Variants in ACIN1 observed in about 807,000 individuals in gnomAD.
ACIN1 encodes apoptotic chromatin condensation inducer in the nucleus.
In ACIN1, 16 loss-of-function variants were observed where a neutral mutation model predicts 146.6. That is an observed-to-expected ratio of 0.11 (90% CI 0.07 to 0.17). The LOEUF (loss-of-function observed/expected upper bound fraction) is 0.17. ACIN1 is among the 10% of genes least tolerant of loss of function. ACIN1 has a pLI of 1.00. For synonymous variants in ACIN1, 569 were observed against 582.7 expected (o/e 0.98, Z 0.34); for missense variants, 1,357 against 1,609.3 (o/e 0.84, Z 2.68).
rs762012169 is a variant in ACIN1, at chr14:23,080,389, T to C, written c.946A>G (p.Ile316Val). 1 of 1,614,162 alleles carries C rather than the reference T, an allele frequency of 6.2e-7. No homozygotes were observed. The highest frequency in any genetic ancestry group is 1.1e-5 in the South Asian group (1 of 91,084). Residue 316 changes from isoleucine (I) to valine (V), a missense_variant, in exon 6 of 19, where the codon ATA becomes GTA. By Grantham distance (29) the Ile-to-Val change is conservative. This residue lies in a region of ACIN1 where 771 missense variants were observed against 746.6 expected (regional missense o/e 1.03). Coordinates refer to ENST00000605057, the MANE Select transcript of ACIN1 (RefSeq NM_001386863.1). ...TCCTTTAAGCCTTGTGAAGATTTTA[T>C]TTCTCTTTCTTCCTCCTCAAGGGGA... The part of the protein sequence containing the change: ...TSPLEEEERE[I>V]KSSQGLKEKS...
chr14:23,094,858 G>A, intron 1 of ACIN1, 117 bp downstream of exon 1: 1 of 1,382,692 alleles, frequency 7.2e-7, no homozygotes, highest in African/African-American at 1.5e-5. Context: ...CCAGAGGCTC[G>A]CGCTGGCGGC....
chr14:23,069,358 C>G, intron 9 of ACIN1, 118 bp downstream of exon 9: 1 of 1,476,772 alleles, frequency 6.8e-7, no homozygotes, highest in Non-Finnish European at 8.9e-7. Flanking sequence ...GATCCAAGTC[C>G]CTGCCTCATC....
At chr14:23,059,956 G>GTTTTTTTTTTTTTT (rs397830741) in intron 18 of ACIN1, among the ~76,000 whole-genome samples, 5 of 100,136 alleles carry the variant, frequency 5.0e-5, no homozygotes, top group African/African-American at 1.7e-4. Context: ...CGCCCCGCCA[G>GTTTTTTTTTTTTTT]TTTTTTTTTT....
chr14:23,062,549 G>T, intron 14 of ACIN1, 26 bp from the exon 15 acceptor site: 1 of 1,602,232 alleles, frequency 6.2e-7, no homozygotes, highest in Non-Finnish European at 8.6e-7. Flanking sequence ...GACTTTCAGG[G>T]TCTAGCAGAA....
chr14:23,063,263 A>T, intron 13 of ACIN1, 173 bp downstream of exon 13: 1 of 1,114,816 alleles, frequency 9.0e-7, no homozygotes, highest in Non-Finnish European at 1.3e-6. Flanking sequence ...TTCAAAGATT[A>T]AACAGAGTCA....
Position 23,078,989 on chromosome 14 carries a change from G to A in ACIN1, c.1838C>T (p.Thr613Ile). 6.2e-7 allele frequency: 1 copy of A among 1,614,192 alleles called. No homozygotes were observed. The highest frequency in any genetic ancestry group is 1.1e-5 in the South Asian group (1 of 91,076). ...SRDSSTSYTE[T>I]KDPSSGQEVA... ...CTCCTGACCAGAAGAGGGATCTTTG[G>A]TTTCAGTATAGCTGGTGCTGCTGTC... The change falls in exon 7 of 19, where the codon ACC becomes ATC. Residue 613 changes from threonine to isoleucine, a missense_variant. Around this residue, in one of 4 missense-constraint regions of ACIN1, gnomAD observed 771 missense variants for 746.6 expected, o/e 1.03. Transcript: ENST00000605057.
rs2047500110 is a variant in ACIN1, at chr14:23,067,604, G to A, written c.2266-1596C>T. 19 of 985,974 alleles carry A rather than the reference G, an allele frequency of 1.9e-5. No homozygotes were observed. Among genetic ancestry groups the A allele is most frequent in the Non-Finnish European group, 2.2e-5 (18 of 830,030 alleles). 61.1% of individuals were successfully genotyped at this position (985,974 alleles called of 1,614,324 possible). A position where few individuals can be genotyped will look rare whatever the true frequency, so the allele number is the denominator to read the frequency against. ...AGCGAGGGATAGAGGGGGGAAAGGG[G>A]CAGAGACATCAGTCCTGGCCCTGAA... On this transcript the variant is annotated intron_variant, in intron 9 of 18. Transcript: ENST00000605057. This position sits in a 1 kb window ranked among gnomAD's most constrained non-coding sequence, Gnocchi z 4.6.
intron 4 of ACIN1, among the ~76,000 whole-genome samples, chr14:23,083,759 T>C (rs2048012825): frequency 6.6e-6 from 1 of 152,046 alleles, no homozygotes; most frequent in Non-Finnish European, 1.5e-5. Flanking sequence ...CTATGTACAG[T>C]AGCAATACTA....
At chr14:23,073,609 G>T (rs1409302004) in intron 8 of ACIN1, among the ~76,000 whole-genome samples, 1 of 152,066 alleles carries the variant, frequency 6.6e-6, no homozygotes, top group African/African-American at 2.4e-5. Flanking sequence ...GGTGAGCCGA[G>T]ATCGTGCCAT....
intron 4 of ACIN1, among the ~76,000 whole-genome samples, chr14:23,085,740 A>C (rs535656590): frequency 6.6e-6 from 1 of 152,228 alleles, no homozygotes; most frequent in African/African-American, 2.4e-5. Context: ...GAAAAAGGTG[A>C]TATCTTCTAT....
At chr14:23,079,195 G>A (rs2047879018) in intron 6 of ACIN1, among the ~76,000 whole-genome samples, 157 bp from the exon 7 acceptor site, 2 of 152,036 alleles carry the variant, frequency 1.3e-5, no homozygotes, top group Non-Finnish European at 2.9e-5. Context: ...CCCATTTAGT[G>A]GTCTCCTTGA....
At chr14:23,089,941 C>T (rs1390827709) in intron 4 of ACIN1, 41 bp downstream of exon 4, 2 of 1,542,634 alleles carry the variant, frequency 1.3e-6, no homozygotes, top group Admixed American at 3.7e-5. Flanking sequence ...ACCAACTACG[C>T]AGGATTGACA....
intron 4 of ACIN1, 93 bp downstream of exon 4, chr14:23,089,889 C>A (rs1348130277): frequency 2.2e-6 from 3 of 1,374,696 alleles, no homozygotes; most frequent in Non-Finnish European, 2.9e-6. Context: ...CTGGGACTTT[C>A]ATGGAGGCTT....
chr14:23,059,605 A>G, intron 18 of ACIN1, 131 bp from the exon 19 acceptor site: 1 of 681,312 alleles, frequency 1.5e-6, no homozygotes, highest in South Asian at 1.8e-5. Context: ...GGGCTCAACA[A>G]CTGCATCCTG....
At chr14:23,063,318 T>A in intron 13 of ACIN1, 118 bp downstream of exon 13, 1 of 1,345,756 alleles carries the variant, frequency 7.4e-7, no homozygotes. Flanking sequence ...GAGAAAGATA[T>A]GATATACGAA....
intron 8 of ACIN1, among the ~76,000 whole-genome samples, chr14:23,073,436 T>G (rs1274115520): frequency 6.6e-6 from 1 of 152,222 alleles, no homozygotes; most frequent in Non-Finnish European, 1.5e-5. Flanking sequence ...TCCCAGCACT[T>G]TGGGAGGCTG....
chr14:23,089,841 G>A, intron 4 of ACIN1, 141 bp downstream of exon 4: 1 of 1,199,036 alleles, frequency 8.3e-7, no homozygotes, highest in Non-Finnish European at 1.1e-6. Context: ...TACTTTCCAT[G>A]AGAAACAGAT....
intron 8 of ACIN1, among the ~76,000 whole-genome samples, chr14:23,075,920 C>T (rs2047790370): frequency 6.6e-6 from 1 of 152,082 alleles, no homozygotes; most frequent in South Asian, 2.1e-4. Context: ...AGGCTGGTCT[C>T]GAATTCCTGA....
At chr14:23,085,069 C>T (rs1004864360) in intron 4 of ACIN1, among the ~76,000 whole-genome samples, 64 of 151,892 alleles carry the variant, frequency 4.2e-4, no homozygotes, top group African/African-American at 1.5e-3. Flanking sequence ...CAACGCTGGG[C>T]GCAGTGGCTC....
Sources: gnomAD v4.1 joint callset for allele counts (sites outside exome capture counted in the v4.1 genomes callset) on GRCh38, gnomAD v4.1.1 for gene constraint, gnomAD v4.1.1 regional missense constraint, Gnocchi (gnomAD v3.1) non-coding constraint, MANE v1.5 for transcripts, NCBI Gene and HGNC (gene_info 2026-07-23, HGNC 2026-07-21) for gene names.